The following STPG4 variants were observed in gnomAD, a reference collection of about 807,000 sequenced individuals.
STPG4 encodes the protein sperm-tail PG-rich repeat containing 4, also known as protein STPG4.
Under a neutral mutation model 31.5 loss-of-function variants are expected in STPG4, and 41 were observed. That is an observed-to-expected ratio of 1.30 (90% confidence interval 1.01 to 1.69). The LOEUF (loss-of-function observed/expected upper bound fraction) is 1.69, where lower values mean the gene tolerates loss of function less well. STPG4 is among the 40% of genes most tolerant of loss of function. The pLI is 0.00. For synonymous variants in STPG4, 141 were observed against 103.0 expected (o/e 1.37, Z -2.24); for missense variants, 375 against 293.4 (o/e 1.28, Z -2.03).
chr2:47,140,421 C>T (rs1050153821), intron 3 of STPG4, among the ~76,000 whole-genome samples: 1 of 152,196 alleles, frequency 6.6e-6, no homozygotes, highest in Non-Finnish European at 1.5e-5. Flanking sequence ...TGAGGCACCC[C>T]CTATGATTAG....
chr2:47,092,778 C>T (rs1474883596), intron 5 of STPG4, among the ~76,000 whole-genome samples: 3 of 142,660 alleles, frequency 2.1e-5, no homozygotes, highest in South Asian at 4.6e-4. Context: ...AAGCACTGCA[C>T]TGCAGACCCT....
intron 1 of STPG4, among the ~76,000 whole-genome samples, chr2:47,153,819 T>C (rs1283365910): frequency 2.6e-5 from 4 of 152,218 alleles, no homozygotes; most frequent in African/African-American, 9.6e-5. Flanking sequence ...AAGACTTGCA[T>C]ATACAATCAG....
At chr2:47,100,754 G>A (rs1013050588) in intron 5 of STPG4, among the ~76,000 whole-genome samples, 1 of 151,506 alleles carries the variant, frequency 6.6e-6, no homozygotes, top group African/African-American at 2.4e-5. Context: ...AACAACTCCA[G>A]ACACGCCACC....
intron 5 of STPG4, among the ~76,000 whole-genome samples, chr2:47,118,968 T>C (rs1558679237): frequency 6.6e-6 from 1 of 152,234 alleles, no homozygotes; most frequent in African/African-American, 2.4e-5. Flanking sequence ...AACTGAATGA[T>C]AAAATCAACC....
chr2:47,145,000 G>T (rs1686791402), intron 3 of STPG4, among the ~76,000 whole-genome samples: 1 of 152,222 alleles, frequency 6.6e-6, no homozygotes, highest in South Asian at 2.1e-4. Flanking sequence ...AAAGTGCTGG[G>T]ATTACAGGCG....
intron 3 of STPG4, among the ~76,000 whole-genome samples, chr2:47,139,671 C>T (rs537580690): frequency 1.1e-4 from 17 of 152,164 alleles, no homozygotes; most frequent in African/African-American, 3.1e-4. Context: ...AGATCCTCCA[C>T]GCAGATGATG....
intron 1 of STPG4, among the ~76,000 whole-genome samples, chr2:47,153,780 A>G (rs538731886): frequency 2.3e-4 from 35 of 152,150 alleles, no homozygotes; most frequent in African/African-American, 7.5e-4. Context: ...CCTCAGGGGG[A>G]AAAAAAAGAC....
intron 5 of STPG4, among the ~76,000 whole-genome samples, chr2:47,104,196 T>G (rs1035477927): frequency 1.3e-5 from 2 of 151,950 alleles, no homozygotes; most frequent in Non-Finnish European, 2.9e-5. Context: ...GGGCAAAAAA[T>G]GCCCACCCAG....
Position 47,101,049 on chromosome 2 carries a change from C to T in STPG4, c.520-10675G>A, listed in dbSNP as rs372220456. ...GACAATCGCCAAGCGGTGAGACCAT[C>T]GCCGAGCAATGAGACCATCACCTAT... On this transcript the variant is annotated intron_variant, in intron 5 of 6. Transcript: ENST00000445927. Among the ~76,000 whole-genome samples the T allele has an allele frequency of 2.1e-4, 32 of 151,980 alleles. 1 individual carries two copies. Among genetic ancestry groups the T allele is most frequent in the African/African-American group, 6.8e-4 (28 of 41,324 alleles).
chr2:47,090,146 A>ACACACGTGATCATTTTCCT, intron 6 of STPG4, 124 bp downstream of exon 6: 1 of 662,850 alleles, frequency 1.5e-6, no homozygotes, highest in South Asian at 1.9e-5. Flanking sequence ...CCAGAACTGT[A>ACACACGTGATCATTTTCCT]CACACATGAT....
At chr2:47,129,069 T>C (rs1456612650) in intron 5 of STPG4, 1 of 152,248 alleles carries the variant, frequency 6.6e-6, no homozygotes, top group African/African-American at 2.4e-5. Context: ...TGTCTAGAAA[T>C]GTTGTCTGGG....
chr2:47,150,781 G>A (rs146063743), intron 3 of STPG4, among the ~76,000 whole-genome samples: 171 of 151,810 alleles, frequency 1.1e-3, no homozygotes, highest in African/African-American at 3.8e-3. Flanking sequence ...TACTACACCC[G>A]GCTATTTTTC....
intron 5 of STPG4, chr2:47,129,660 G>T: frequency 3.2e-6 from 1 of 316,152 alleles, no homozygotes; most frequent in Non-Finnish European, 5.8e-6. Flanking sequence ...CAGGGGATGG[G>T]GGAGGGTAGT....
intron 3 of STPG4, among the ~76,000 whole-genome samples, chr2:47,137,120 A>C (rs1451876883): frequency 1.3e-5 from 2 of 152,164 alleles, no homozygotes; most frequent in Non-Finnish European, 2.9e-5. Context: ...TGCTAGCTGT[A>C]GGTTTTTTGT....
At chr2:47,087,339 G>A (rs2103716815) in intron 6 of STPG4, among the ~76,000 whole-genome samples, 1 of 152,380 alleles carries the variant, frequency 6.6e-6, no homozygotes, top group South Asian at 2.1e-4. Context: ...TCATCATGAG[G>A]CTGGAGGGGG....
At chr2:47,133,688 C>T (rs1032986558) in intron 3 of STPG4, among the ~76,000 whole-genome samples, 1 of 139,818 alleles carries the variant, frequency 7.2e-6, no homozygotes, top group Non-Finnish European at 1.5e-5. Context: ...AGTGATTCTC[C>T]TGCCTCAGCC....
At chr2:47,148,704 CT>C (rs1686876617) in intron 3 of STPG4, among the ~76,000 whole-genome samples, 7 of 152,066 alleles carry the variant, frequency 4.6e-5, no homozygotes, top group Admixed American at 2.6e-4. Context: ...CGACAGGCTC[CT>C]GTGTGTGATG....
chr2:47,107,149 A>G (rs1166830061), intron 5 of STPG4, among the ~76,000 whole-genome samples: 1 of 151,922 alleles, frequency 6.6e-6, no homozygotes, highest in Non-Finnish European at 1.5e-5. Flanking sequence ...CGCTTTCAGC[A>G]CCTCCTCTGC....
intron 3 of STPG4, among the ~76,000 whole-genome samples, chr2:47,131,108 C>G (rs1686472008): frequency 6.6e-6 from 1 of 151,898 alleles, no homozygotes; most frequent in South Asian, 2.1e-4. Context: ...GCCACTGTAC[C>G]TGACCTGATC....
Sources: allele counts gnomAD v4.1 joint callset (sites outside exome capture counted in the v4.1 genomes callset), GRCh38; gene constraint gnomAD v4.1.1; transcripts MANE v1.5; gene names NCBI Gene and HGNC (gene_info 2026-07-23, HGNC 2026-07-21).